The following ABCC1 variants were observed in gnomAD, a reference collection of about 807,000 sequenced individuals.
ABCC1 encodes ATP binding cassette subfamily C member 1 (ABCC1 blood group), also known as multidrug resistance-associated protein 1.
In ABCC1, 83 loss-of-function variants were observed where a neutral mutation model predicts 172.9. That is an observed-to-expected ratio of 0.48 (90% CI 0.40 to 0.58). ABCC1 has a LOEUF of 0.58. Among genes scored for constraint, ABCC1 ranks in the 20% least tolerant of loss-of-function variants. The probability of loss-of-function intolerance (pLI) is 0.00; values close to 1 mark genes in which losing one functional copy is unlikely to be tolerated. For synonymous variants in ABCC1, 937 were observed against 825.2 expected (o/e 1.14, Z -2.32); for missense variants, 1,817 against 2,002.7 (o/e 0.91, Z 1.77).
chr16:15,999,487 C>T (rs1024023133), intron 1 of ABCC1, among the ~76,000 whole-genome samples: 5 of 151,474 alleles, frequency 3.3e-5, no homozygotes, highest in East Asian at 2.0e-4. Context: ...TGGTGGCAGG[C>T]GCCTATAGTC....
chr16:15,976,083 T>C (rs540079048), intron 1 of ABCC1, among the ~76,000 whole-genome samples: 2 of 151,770 alleles, frequency 1.3e-5, no homozygotes, highest in South Asian at 4.2e-4. Flanking sequence ...CTGGCCAAAA[T>C]GGTGAAATCC....
At chr16:16,121,892 A>G (rs566233688) in intron 23 of ABCC1, 83 bp from the exon 24 acceptor site, 5 of 1,479,392 alleles carry the variant, frequency 3.4e-6, no homozygotes, top group South Asian at 2.4e-5. Flanking sequence ...GGTTACGTCT[A>G]GATGTTCTCC....
chr16:16,008,050 G>C, intron 2 of ABCC1, 58 bp downstream of exon 2: 1 of 1,458,978 alleles, frequency 6.9e-7, no homozygotes, highest in Non-Finnish European at 9.4e-7. Context: ...GACGGGGAGT[G>C]GTGGTTGGTG....
At chr16:15,950,702 T>A (rs956470143) in intron 1 of ABCC1, among the ~76,000 whole-genome samples, 3 of 152,200 alleles carry the variant, frequency 2.0e-5, no homozygotes, top group Admixed American at 6.5e-5. Context: ...CACTTCTGTC[T>A]CGTGCTGTCT....
At chr16:16,023,792 C>A (rs2048276243) in intron 5 of ABCC1, among the ~76,000 whole-genome samples, 1 of 152,064 alleles carries the variant, frequency 6.6e-6, no homozygotes. Flanking sequence ...ATGCTCAAGT[C>A]TAAGGAATGC....
At position 16,090,422 on chromosome 16, in the gene ABCC1, G is replaced by A. The variant is rs774934941; in HGVS notation, c.2478G>A (p.Thr826=). The A allele has an allele frequency of 1.2e-5, 20 of 1,605,896 alleles. No individual in the cohort carries two copies. Among genetic ancestry groups the A allele is most frequent in the East Asian group, 4.5e-5 (2 of 44,714 alleles). ...MLKNKTRILV[T]HSMSYLPQVD... Reference sequence around the variant, plus strand: ...GCCCACAGACGCGGATCTTGGTCACGCACAGCATGAGCTACTTGCCGCAGG... The same window carrying A: ...GCCCACAGACGCGGATCTTGGTCACACACAGCATGAGCTACTTGCCGCAGG... Residue 826 remains threonine (T), a synonymous_variant, in exon 19 of 31, where the codon ACG becomes ACA. Transcript: ENST00000399410.
At chr16:15,992,963 T>G (rs1213472280) in intron 1 of ABCC1, among the ~76,000 whole-genome samples, 1 of 152,108 alleles carries the variant, frequency 6.6e-6, no homozygotes, top group East Asian at 1.9e-4. Flanking sequence ...CCGAGATCTT[T>G]GCACAGCCAG....
chr16:16,066,781 A>G (rs35602), intron 12 of ABCC1, among the ~76,000 whole-genome samples: 120,626 of 151,502 alleles, frequency 0.8, 48,182 homozygotes, highest in Non-Finnish European at 0.83. Context: ...GTGGGCGCCT[A>G]TAATCCCAGC....
intron 19 of ABCC1, among the ~76,000 whole-genome samples, chr16:16,097,685 C>T (rs572593279): frequency 1.1e-4 from 17 of 152,286 alleles, no homozygotes; most frequent in African/African-American, 2.9e-4. Context: ...GAGAGGGGCC[C>T]CTCTGGCATT....
intron 5 of ABCC1, among the ~76,000 whole-genome samples, chr16:16,021,476 G>A (rs1293066508): frequency 6.6e-6 from 1 of 152,042 alleles, no homozygotes; most frequent in African/African-American, 2.4e-5. Context: ...CAGCACTTTG[G>A]GAGGCCGAGG....
At chr16:16,139,212 G>A (rs1028461619) in intron 30 of ABCC1, among the ~76,000 whole-genome samples, 3 of 152,212 alleles carry the variant, frequency 2.0e-5, no homozygotes, top group Non-Finnish European at 4.4e-5. Context: ...TGGGAAGGAC[G>A]CTTGCCAAGG....
At chr16:15,949,566 G>A (rs1031085920), upstream of ABCC1, 7 of 167,526 alleles carry the variant, frequency 4.2e-5, no homozygotes, top group East Asian at 7.9e-4. Flanking sequence ...TCCCCGTGAC[G>A]CGCGGGCCAA....
chr16:16,138,687 C>T (rs1014621249), intron 30 of ABCC1, 129 bp downstream of exon 30: 1 of 529,874 alleles, frequency 1.9e-6, no homozygotes, highest in Non-Finnish European at 3.0e-6. Context: ...TGGATCCTCT[C>T]TTCATCCTGG....
At chr16:15,960,191 C>G (rs2046096915) in intron 1 of ABCC1, among the ~76,000 whole-genome samples, 1 of 152,106 alleles carries the variant, frequency 6.6e-6, no homozygotes, top group Admixed American at 6.6e-5. Context: ...AGTGACCCTC[C>G]CAACTCACCC....
At chr16:15,971,404 C>T (rs1489322182) in intron 1 of ABCC1, among the ~76,000 whole-genome samples, 2 of 152,180 alleles carry the variant, frequency 1.3e-5, no homozygotes, top group African/African-American at 2.4e-5. Flanking sequence ...TAATGGCTTG[C>T]ATTTGCATAT....
intron 1 of ABCC1, among the ~76,000 whole-genome samples, chr16:15,951,197 G>A (rs1397879069): frequency 6.6e-6 from 1 of 152,134 alleles, no homozygotes; most frequent in Non-Finnish European, 1.5e-5. Flanking sequence ...TTGTGTTGCT[G>A]TGAATTCCAG....
chr16:16,056,223 G>A lies in ABCC1; in HGVS notation c.1605G>A (p.Glu535=). The A allele has an allele frequency of 6.2e-7, 1 of 1,614,218 alleles. No homozygotes were observed. Among genetic ancestry groups the A allele is most frequent in the Non-Finnish European group, 8.5e-7 (1 of 1,180,048 alleles). ...AGGTGCTGGCCATCAGGCAGGAGGA[G>A]CTGAAGGTGCTGAAGAAGTCTGCCT... ...KDKVLAIRQE[E]LKVLKKSAYL... Residue 535 remains glutamate, a synonymous_variant, in exon 12 of 31, where the codon GAG becomes GAA. Coordinates refer to ENST00000399410, the MANE Select transcript of ABCC1 (RefSeq NM_004996.4).
chr16:16,088,723 T>TC (rs35861218), intron 18 of ABCC1, among the ~76,000 whole-genome samples: 16,700 of 151,986 alleles, frequency 0.11, 1,415 homozygotes, highest in African/African-American at 0.24. Context: ...TCTTTTTTTT[T>TC]CTGCAGACAG....
intron 1 of ABCC1, among the ~76,000 whole-genome samples, chr16:15,967,992 C>A (rs1201505667): frequency 6.6e-6 from 1 of 152,046 alleles, no homozygotes; most frequent in Non-Finnish European, 1.5e-5. Context: ...GAAAACAGTG[C>A]AGAAATGAGT....
Sources: allele counts gnomAD v4.1 joint callset (sites outside exome capture counted in the v4.1 genomes callset), GRCh38; gene constraint gnomAD v4.1.1; transcripts MANE v1.5; gene names NCBI Gene and HGNC (gene_info 2026-07-23, HGNC 2026-07-21).